CD55: variants seen among roughly 807,000 people sequenced by gnomAD.
CD55 encodes the protein CD55 molecule (Cromer blood group).
Under a neutral mutation model 45.8 loss-of-function variants are expected in CD55, and 41 were observed. The observed-to-expected ratio is 0.90, with a 90% CI of 0.70 to 1.16. CD55 has a LOEUF of 1.16. CD55 is among the 50% of genes most tolerant of loss of function. The pLI is 0.00. For synonymous variants in CD55, 181 were observed against 181.1 expected (o/e 1.00, Z 0.01); for missense variants, 416 against 469.8 (o/e 0.89, Z 1.06).
chr1:207,322,138 C>T, intron 1 of CD55: 1 of 651,376 alleles, frequency 1.5e-6, no homozygotes, highest in Non-Finnish European at 2.8e-6. Flanking sequence ...CTGGCAAAAT[C>T]GAAAGGGAGG....
chr1:207,332,364 A>G (rs6662070), intron 6 of CD55, among the ~76,000 whole-genome samples: 105,820 of 151,970 alleles, frequency 0.7, 37,303 homozygotes, highest in Middle Eastern at 0.83. Context: ...CACTGCACAT[A>G]TATGCAAGTA....
intron 9 of CD55, chr1:207,353,997 A>C (rs1437729381): frequency 6.5e-7 from 1 of 1,532,228 alleles, no homozygotes; most frequent in South Asian, 1.2e-5. Flanking sequence ...TTGCATTTCC[A>C]CTTTGTTAGC....
chr1:207,359,469 T>A, intron 9 of CD55, 77 bp from the exon 10 acceptor site: 1 of 1,385,040 alleles, frequency 7.2e-7, no homozygotes, highest in Non-Finnish European at 9.6e-7. Flanking sequence ...ACATAGTAAC[T>A]AAAAATTTAT....
At position 207,321,732 on chromosome 1, in the gene CD55, C is replaced by G; in HGVS notation, c.-34C>G. 6.8e-7 allele frequency: 1 copy of G among 1,465,286 alleles called. No individual in the cohort carries two copies. 90.8% of individuals were successfully genotyped at this position (1,465,286 alleles called of 1,614,324 possible). A position where few individuals can be genotyped will look rare whatever the true frequency, so the allele number is the denominator to read the frequency against. On this transcript the variant is annotated 5_prime_UTR_variant, in exon 1 of 10. Coordinates refer to ENST00000367064, the MANE Select transcript of CD55 (RefSeq NM_000574.5). ...GGCGTAGCTGCGACTCGGCGGAGTC[C>G]CGGCGGCGCGTCCTTGTTCTAACCC...
At chr1:207,338,999 G>GAT (rs1218603264) in intron 8 of CD55, among the ~76,000 whole-genome samples, 2 of 152,154 alleles carry the variant, frequency 1.3e-5, no homozygotes, top group East Asian at 3.9e-4. Flanking sequence ...TTTGAGTTTT[G>GAT]ATATAGTCTG....
chr1:207,360,065 C>T lies in CD55; in HGVS notation c.*455C>T, dbSNP rs532365170. ...GCAAAATTGCTAAAGAGAGATGAACCACATTATAAAGTAATCTTTGGCTGT... is the reference window on the plus strand; with the variant it reads ...GCAAAATTGCTAAAGAGAGATGAACTACATTATAAAGTAATCTTTGGCTGT... On this transcript the variant is annotated 3_prime_UTR_variant, in exon 10 of 10. Coordinates refer to ENST00000367064, the MANE Select transcript of CD55 (RefSeq NM_000574.5). 1 of 152,560 alleles carries T rather than the reference C, an allele frequency of 6.6e-6. No homozygotes were observed. The highest frequency in any genetic ancestry group is 6.5e-5 in the Admixed American group (1 of 15,308). The allele number at this position is 152,560 out of a possible 1,614,324, so 9.5% of individuals were successfully genotyped here. A position where few individuals can be genotyped will look rare whatever the true frequency, so the allele number is the denominator to read the frequency against.
At chr1:207,352,693 G>A (rs1388967518) in intron 9 of CD55, among the ~76,000 whole-genome samples, 1 of 152,078 alleles carries the variant, frequency 6.6e-6, no homozygotes, top group Non-Finnish European at 1.5e-5. Flanking sequence ...AAAACTCCAA[G>A]CACAGTCCTA....
At chr1:207,337,301 CAA>C (rs745306027) in intron 7 of CD55, 26 bp from the exon 8 acceptor site, 2 of 1,427,482 alleles carry the variant, frequency 1.4e-6, no homozygotes, top group African/African-American at 2.8e-5. Context: ...CAAGAGTACA[CAA>C]AGATTCCCTT....
chr1:207,331,403 C>A (rs1507757), intron 6 of CD55, 107 bp downstream of exon 6: 616,867 of 892,596 alleles, frequency 0.69, 215,146 homozygotes, highest in Middle Eastern at 0.81. Flanking sequence ...AAAATGTTTA[C>A]ATATACATAT....
At chr1:207,351,768 C>T (rs1291071289) in intron 9 of CD55, among the ~76,000 whole-genome samples, 1 of 152,098 alleles carries the variant, frequency 6.6e-6, no homozygotes, top group Admixed American at 6.5e-5. Context: ...CAATGGCACT[C>T]AATGAAGGTT....
At chr1:207,336,545 A>T in intron 6 of CD55, 148 bp from the exon 7 acceptor site, 1 of 842,954 alleles carries the variant, frequency 1.2e-6, no homozygotes, top group Admixed American at 2.7e-5. Context: ...CTCCTTGAGA[A>T]ATACTCAATA....
chr1:207,346,076 G>C (rs562042192), intron 9 of CD55, among the ~76,000 whole-genome samples: 71 of 152,372 alleles, frequency 4.7e-4, no homozygotes, highest in African/African-American at 1.6e-3. Flanking sequence ...AGAAATGGCG[G>C]GTGACCTGGT....
At chr1:207,345,576 GT>G (rs1462386501) in intron 9 of CD55, among the ~76,000 whole-genome samples, 1 of 151,692 alleles carries the variant, frequency 6.6e-6, no homozygotes, top group Non-Finnish European at 1.5e-5. Flanking sequence ...AATTTTGTAA[GT>G]TTACTTTTGA....
intron 9 of CD55, among the ~76,000 whole-genome samples, chr1:207,349,416 C>T (rs1349348523): frequency 1.3e-5 from 2 of 152,052 alleles, no homozygotes; most frequent in East Asian, 1.9e-4. Flanking sequence ...CTCCTGACCT[C>T]AAGTGATCCA....
At chr1:207,351,866 TTAAAAAA>T (rs1305837517) in intron 9 of CD55, among the ~76,000 whole-genome samples, 4 of 152,258 alleles carry the variant, frequency 2.6e-5, no homozygotes, top group Admixed American at 2.6e-4. Flanking sequence ...CCAGCTTGTG[TTAAAAAA>T]TAAAGAGGAA....
chr1:207,331,014 C>A, intron 5 of CD55, 94 bp from the exon 6 acceptor site: 1 of 951,404 alleles, frequency 1.1e-6, no homozygotes, highest in Non-Finnish European at 1.6e-6. Flanking sequence ...ATTTTGATTT[C>A]TTTAAAATAT....
intron 9 of CD55, among the ~76,000 whole-genome samples, chr1:207,354,914 T>G (rs1656019694): frequency 6.6e-6 from 1 of 152,224 alleles, no homozygotes; most frequent in South Asian, 2.1e-4. Flanking sequence ...ATCTGGATGT[T>G]CTAGATCACT....
chr1:207,331,023 A>G (rs1036318154), intron 5 of CD55, 85 bp from the exon 6 acceptor site: 9 of 1,011,550 alleles, frequency 8.9e-6, no homozygotes, highest in Non-Finnish European at 1.3e-5. Flanking sequence ...TCTTTAAAAT[A>G]TAATCTTTAA....
intron 6 of CD55, among the ~76,000 whole-genome samples, chr1:207,333,879 C>T (rs1346695298): frequency 6.6e-6 from 1 of 151,854 alleles, no homozygotes; most frequent in East Asian, 1.9e-4. Flanking sequence ...AAGTTTGAGA[C>T]ATTTGAGACA....
Sources: gnomAD v4.1 joint callset for allele counts (sites outside exome capture counted in the v4.1 genomes callset) on GRCh38, gnomAD v4.1.1 for gene constraint, MANE v1.5 for transcripts, NCBI Gene and HGNC (gene_info 2026-07-23, HGNC 2026-07-21) for gene names.